The following CCSER1 variants were observed in gnomAD, a reference collection of about 807,000 sequenced individuals.
CCSER1 encodes coiled-coil serine rich protein 1.
A neutral mutation model predicts 82.0 loss-of-function variants in CCSER1; 41 were observed. The observed-to-expected ratio is 0.50, with a 90% CI of 0.39 to 0.65. CCSER1 has a LOEUF of 0.65. Ranked by LOEUF, CCSER1 falls within the 30% of genes least tolerant of loss-of-function variation. CCSER1 has a pLI of 0.00. For synonymous variants in CCSER1, 414 were observed against 383.9 expected, an observed-to-expected ratio of 1.08 and a Z score of -0.92; for missense variants, 1,119 against 1,064.2, an observed-to-expected ratio of 1.05 and a Z score of -0.72.
intron 4 of CCSER1, among the ~76,000 whole-genome samples, chr4:90,410,009 C>T (rs1257090987): frequency 6.6e-6 from 1 of 152,006 alleles, no homozygotes; most frequent in Non-Finnish European, 1.5e-5. Context: ...GACTTTAAAC[C>T]AACAAAGATC....
intron 4 of CCSER1, among the ~76,000 whole-genome samples, chr4:90,442,532 A>T (rs1353302481): frequency 6.6e-6 from 1 of 152,200 alleles, no homozygotes; most frequent in Non-Finnish European, 1.5e-5. Context: ...ATCTGGGATC[A>T]AATGGTATTA....
chr4:91,300,381 A>G (rs1744574098), intron 10 of CCSER1, among the ~76,000 whole-genome samples: 1 of 151,916 alleles, frequency 6.6e-6, no homozygotes, highest in South Asian at 2.1e-4. Context: ...CTTAGTGCCA[A>G]GGAAATAAAA....
chr4:90,157,063 G>C (rs1176243039), intron 1 of CCSER1, among the ~76,000 whole-genome samples: 1 of 152,184 alleles, frequency 6.6e-6, no homozygotes, highest in Non-Finnish European at 1.5e-5. Flanking sequence ...TTTTAGGGCA[G>C]TCCTGGTGGT....
chr4:91,176,460 G>C (rs1455285496), intron 10 of CCSER1, among the ~76,000 whole-genome samples: 1 of 151,992 alleles, frequency 6.6e-6, no homozygotes, highest in Admixed American at 6.6e-5. Flanking sequence ...CCATAATTAT[G>C]TAACATTCTT....
At chr4:90,421,165 A>G (rs1485758968) in intron 4 of CCSER1, among the ~76,000 whole-genome samples, 1 of 152,210 alleles carries the variant, frequency 6.6e-6, no homozygotes, top group Non-Finnish European at 1.5e-5. Context: ...GATTCACACA[A>G]TTACAACAAA....
intron 5 of CCSER1, among the ~76,000 whole-genome samples, chr4:90,610,964 C>T (rs188572030): frequency 3.0e-4 from 45 of 151,952 alleles, no homozygotes; most frequent in African/African-American, 1.1e-3. Flanking sequence ...CTGCAACCTC[C>T]CCTTCCAGGT....
intron 10 of CCSER1, among the ~76,000 whole-genome samples, chr4:91,162,588 A>G (rs1451253244): frequency 6.6e-6 from 1 of 152,126 alleles, no homozygotes; most frequent in African/African-American, 2.4e-5. Context: ...TAGGCTCTTA[A>G]TTATTGCCTC....
intron 9 of CCSER1, among the ~76,000 whole-genome samples, chr4:91,016,645 G>A (rs1157657731): frequency 6.6e-6 from 1 of 151,932 alleles, no homozygotes; most frequent in Non-Finnish European, 1.5e-5. Flanking sequence ...ACATATATAT[G>A]CATTGTTAAT....
chr4:90,907,617 A>G (rs942234699), intron 8 of CCSER1, among the ~76,000 whole-genome samples: 2 of 152,178 alleles, frequency 1.3e-5, no homozygotes, highest in Non-Finnish European at 1.5e-5. Flanking sequence ...AATAAAAGAA[A>G]TTCTAATCTG....
chr4:91,556,289 T>C (rs756550196), intron 10 of CCSER1, among the ~76,000 whole-genome samples: 3 of 76,940 alleles, frequency 3.9e-5, no homozygotes, highest in Non-Finnish European at 7.6e-5. Flanking sequence ...CCAACTTATC[T>C]GTAAACTGTT....
intron 1 of CCSER1, among the ~76,000 whole-genome samples, chr4:90,268,399 A>G (rs1725640827): frequency 6.6e-6 from 1 of 152,184 alleles, no homozygotes; most frequent in African/African-American, 2.4e-5. Flanking sequence ...AAGTGGGAAT[A>G]CGAAGTTAAA....
intron 10 of CCSER1, among the ~76,000 whole-genome samples, chr4:91,221,630 A>G (rs17209717): frequency 0.62 from 94,788 of 151,994 alleles, 30,252 homozygotes; most frequent in East Asian, 0.93. Context: ...TCAAACACAT[A>G]TAGTTCGAAC....
In CCSER1 at chr4:90,240,650, A is replaced by T. The variant is rs182703918; in HGVS notation, c.-41-67594A>T. Among the ~76,000 whole-genome samples, 134 of 152,292 alleles carry T rather than the reference A, an allele frequency of 8.8e-4. 1 individual carries two copies. Among genetic ancestry groups the T allele is most frequent in the African/African-American group, 2.3e-3 (94 of 41,570 alleles). Reference sequence around the variant, plus strand: ...GTGGAAAAGTGCATTTGGAGCTGGGAGGCAATTAATTCATAACTAGCACAC... The same window carrying T: ...GTGGAAAAGTGCATTTGGAGCTGGGTGGCAATTAATTCATAACTAGCACAC... On this transcript the variant is annotated intron_variant, in intron 1 of 10. Transcript: ENST00000509176.
At chr4:90,904,553 C>T (rs961427091) in intron 8 of CCSER1, among the ~76,000 whole-genome samples, 1 of 152,108 alleles carries the variant, frequency 6.6e-6, no homozygotes, top group Non-Finnish European at 1.5e-5. Context: ...ATCAATGAAT[C>T]ATGACAGTGT....
chr4:90,989,123 C>T (rs1417674683), intron 9 of CCSER1, among the ~76,000 whole-genome samples: 1 of 151,666 alleles, frequency 6.6e-6, no homozygotes, highest in Non-Finnish European at 1.5e-5. Context: ...GAGGCAGATC[C>T]TGAAATTCTG....
intron 9 of CCSER1, among the ~76,000 whole-genome samples, chr4:91,066,883 C>G (rs1229871632): frequency 6.6e-6 from 1 of 152,060 alleles, no homozygotes; most frequent in African/African-American, 2.4e-5. Context: ...AGGCCCTGTC[C>G]CGCTGGGCGT....
intron 9 of CCSER1, among the ~76,000 whole-genome samples, chr4:91,042,323 C>T (rs1459476418): frequency 6.6e-6 from 1 of 152,140 alleles, no homozygotes; most frequent in Admixed American, 6.6e-5. Flanking sequence ...CTTCATTCCC[C>T]TTCTACCAGG....
intron 10 of CCSER1, among the ~76,000 whole-genome samples, chr4:91,142,485 ATTTTTG>A (rs1344373283): frequency 2.6e-5 from 4 of 152,152 alleles, no homozygotes; most frequent in Middle Eastern, 3.4e-3. Context: ...CCACTTGGTA[ATTTTTG>A]TTTTTGTTGT....
chr4:91,188,910 A>T (rs1456295575), intron 10 of CCSER1, among the ~76,000 whole-genome samples: 4 of 152,166 alleles, frequency 2.6e-5, no homozygotes, highest in Non-Finnish European at 5.9e-5. Context: ...TCCAGAAAGA[A>T]AGATCTGTTA....
Sources: allele counts gnomAD v4.1 joint callset (sites outside exome capture counted in the v4.1 genomes callset), GRCh38; gene constraint gnomAD v4.1.1; transcripts MANE v1.5; gene names NCBI Gene and HGNC (gene_info 2026-07-23, HGNC 2026-07-21).